SLC35F3: variants seen among roughly 807,000 people sequenced by gnomAD.
SLC35F3 encodes solute carrier family 35 member F3, also known as putative thiamine transporter SLC35F3.
Under a neutral mutation model 49.9 loss-of-function variants are expected in SLC35F3, and 25 were observed. The observed-to-expected ratio is 0.50, with a 90% CI of 0.37 to 0.70. The LOEUF (loss-of-function observed/expected upper bound fraction) is 0.70, where lower values mean the gene tolerates loss of function less well. SLC35F3 is among the 30% of genes least tolerant of loss of function. The pLI is 0.00. For missense variants in SLC35F3, 525 were observed against 639.8 expected (o/e 0.82, Z 1.94); for synonymous variants, 275 against 265.4 (o/e 1.04, Z -0.35).
At chr1:233,983,262 AAATT>A (rs1417454344) in intron 2 of SLC35F3, among the ~76,000 whole-genome samples, 3 of 152,238 alleles carry the variant, frequency 2.0e-5, no homozygotes, top group Non-Finnish European at 4.4e-5. Flanking sequence ...GATTAAAAAA[AAATT>A]AATTAAGCCA....
Position 234,140,314 on chromosome 1 carries a change from C to T in SLC35F3, c.284-91103C>T, listed in dbSNP as rs955664790. Reference sequence around the variant, plus strand: ...TCATCACATGGAAGAAGGGTGAGTACAGTACAATTAGATATTTTGAGAGAG... The same window carrying T: ...TCATCACATGGAAGAAGGGTGAGTATAGTACAATTAGATATTTTGAGAGAG... On this transcript the variant is annotated intron_variant, in intron 2 of 7. Coordinates refer to ENST00000366618, the MANE Select transcript of SLC35F3 (RefSeq NM_173508.4). 2.6e-5 allele frequency among the ~76,000 whole-genome samples: 4 copies of T among 152,074 alleles called. No individual in the cohort carries two copies. The East Asian group carries it at 7.7e-4, about 29-fold the overall frequency.
rs869035917 is a variant in SLC35F3 at position 233,955,878 on chromosome 1, C to CTTTTTTT, written c.283+50141_283+50147dup. Among the ~76,000 whole-genome samples the CTTTTTTT allele has an allele frequency of 6.2e-5, 3 of 48,130 alleles. 1 individual carries two copies. Among genetic ancestry groups the CTTTTTTT allele is most frequent in the African/African-American group, 2.0e-4 (2 of 10,136 alleles). 31.6% of individuals were successfully genotyped at this position (48,130 alleles called of 152,430 possible). A position where few individuals can be genotyped will look rare whatever the true frequency, so the allele number is the denominator to read the frequency against. ...GAGTCAGCAGAGGAGGTGTGGGTAT[C>CTTTTTTT]TTTTTTTTTTTTTTTTTTTTTTTTT... is the stretch of plus-strand genomic sequence containing the variant. On this transcript the variant is annotated intron_variant, in intron 2 of 7. Coordinates refer to ENST00000366618, the MANE Select transcript of SLC35F3 (RefSeq NM_173508.4).
At chr1:234,163,128 A>G (rs1405878835) in intron 2 of SLC35F3, among the ~76,000 whole-genome samples, 4 of 152,236 alleles carry the variant, frequency 2.6e-5, no homozygotes, top group African/African-American at 7.2e-5. Flanking sequence ...CTCAGTGCCT[A>G]TACCCAGAAG....
intron 2 of SLC35F3, among the ~76,000 whole-genome samples, chr1:233,950,676 C>G (rs1662592178): frequency 6.6e-6 from 1 of 151,950 alleles, no homozygotes; most frequent in Non-Finnish European, 1.5e-5. Context: ...CAGAGAAAAA[C>G]AAATCAGAGA....
chr1:234,171,625 T>C (rs182118684), intron 2 of SLC35F3, among the ~76,000 whole-genome samples: 69 of 152,102 alleles, frequency 4.5e-4, no homozygotes, highest in African/African-American at 1.5e-3. Flanking sequence ...CATCAGAGAG[T>C]TGGGGACACT....
chr1:234,231,810 C>A lies in SLC35F3; in HGVS notation c.608+69C>A. The A allele has an allele frequency of 6.9e-7, 1 of 1,452,372 alleles. No homozygotes were observed. The highest frequency in any genetic ancestry group is 9.4e-7 in the Non-Finnish European group (1 of 1,064,564). The allele number at this position is 1,452,372 out of a possible 1,614,324, so 90.0% of individuals were successfully genotyped here. A position where few individuals can be genotyped will look rare whatever the true frequency, so the allele number is the denominator to read the frequency against. On this transcript the variant is annotated intron_variant, in intron 3 of 7. Transcript: ENST00000366618. The surrounding 1 kb of genome is among the most constrained non-coding windows in gnomAD (Gnocchi z 5.4). The stretch of plus-strand genomic sequence containing the variant: ...TCCATCCAGCGCTGACTCTGCAGAG[C>A]TGCCCCTGGTGGCAGGCGCTGGGAT...
chr1:233,911,262 C>T (rs1661869371), intron 2 of SLC35F3, among the ~76,000 whole-genome samples: 1 of 152,138 alleles, frequency 6.6e-6, no homozygotes, highest in Admixed American at 6.5e-5. Context: ...TGAGCAACTT[C>T]TGTCTGATCC....
At chr1:233,962,308 G>A (rs1662817700) in intron 2 of SLC35F3, among the ~76,000 whole-genome samples, 1 of 152,142 alleles carries the variant, frequency 6.6e-6, no homozygotes, top group South Asian at 2.1e-4. Context: ...TTAAATAGTT[G>A]CAATGTATAT....
chr1:234,084,372 A>G (rs1224482762), intron 2 of SLC35F3, among the ~76,000 whole-genome samples: 3 of 152,162 alleles, frequency 2.0e-5, no homozygotes, highest in Admixed American at 6.5e-5. Flanking sequence ...CACGTTGCCA[A>G]ACAAATATGA....
Position 234,313,332 on chromosome 1 carries a change from G to T in SLC35F3, c.829-3270G>T, listed in dbSNP as rs185441425. On this transcript the variant is annotated intron_variant, in intron 4 of 7. Coordinates refer to ENST00000366618, the MANE Select transcript of SLC35F3 (RefSeq NM_173508.4). ...CCCACAGGGAGCAGGGAGCAGAACTGTCATGGAGATGAGTGGTGTGTCTGT... is the reference window on the plus strand; with the variant it reads ...CCCACAGGGAGCAGGGAGCAGAACTTTCATGGAGATGAGTGGTGTGTCTGT... Among the ~76,000 whole-genome samples, 57 of 152,304 alleles carry T rather than the reference G, an allele frequency of 3.7e-4. No individual in the cohort carries two copies. The East Asian group carries it at 4.6e-3, about 12-fold the overall frequency.
At chr1:234,025,056 G>A (rs1663956951) in intron 2 of SLC35F3, among the ~76,000 whole-genome samples, 3 of 152,156 alleles carry the variant, frequency 2.0e-5, no homozygotes, top group Admixed American at 2.0e-4. Flanking sequence ...CCCGTTATAA[G>A]GAGAACATGT....
At chr1:233,990,240 G>A (rs868558152) in intron 2 of SLC35F3, among the ~76,000 whole-genome samples, 54 of 152,186 alleles carry the variant, frequency 3.5e-4, no homozygotes, top group Non-Finnish European at 4.9e-4. Context: ...TTACGTAAAA[G>A]TGACTCACAT....
intron 2 of SLC35F3, among the ~76,000 whole-genome samples, chr1:234,176,037 G>A (rs567030500): frequency 5.9e-5 from 9 of 152,286 alleles, no homozygotes; most frequent in South Asian, 4.1e-4. Flanking sequence ...AACATTAAGT[G>A]CCTGGGACTT....
chr1:233,984,943 T>C (rs1663242959), intron 2 of SLC35F3, among the ~76,000 whole-genome samples: 1 of 152,248 alleles, frequency 6.6e-6, no homozygotes, highest in Non-Finnish European at 1.5e-5. Context: ...TATTTATTTC[T>C]CAGGACTAGC....
At chr1:234,193,893 C>T (rs748914522) in intron 2 of SLC35F3, among the ~76,000 whole-genome samples, 3 of 152,102 alleles carry the variant, frequency 2.0e-5, no homozygotes, top group Admixed American at 1.3e-4. Context: ...AACCGCAATA[C>T]AATACCATCT....
At chr1:233,994,182 A>T (rs1013109338) in intron 2 of SLC35F3, among the ~76,000 whole-genome samples, 4 of 152,206 alleles carry the variant, frequency 2.6e-5, no homozygotes, top group Non-Finnish European at 1.5e-5. Flanking sequence ...AGAGAGTAGC[A>T]ATTATATTAA....
At chr1:234,099,607 T>TAAAAA (rs34510298) in intron 2 of SLC35F3, among the ~76,000 whole-genome samples, 2 of 87,638 alleles carry the variant, frequency 2.3e-5, no homozygotes, top group Non-Finnish European at 2.2e-5. Context: ...AGACTCTGTC[T>TAAAAA]AAAAAAAAAA....
chr1:234,214,739 C>G lies in SLC35F3; in HGVS notation c.284-16678C>G. The G allele has an allele frequency of 2.1e-6, 2 of 949,376 alleles. No individual in the cohort carries two copies. Among genetic ancestry groups the G allele is most frequent in the Non-Finnish European group, 2.9e-6 (2 of 687,932 alleles). The allele number at this position is 949,376 out of a possible 1,614,324, so 58.8% of individuals were successfully genotyped here. A position where few individuals can be genotyped will look rare whatever the true frequency, so the allele number is the denominator to read the frequency against. ...CCGCCGCCTGCGTGGGGGGATCTGGCAGCTTCAGGGGCTGCCCTGAGCTCC... is the reference window on the plus strand; with the variant it reads ...CCGCCGCCTGCGTGGGGGGATCTGGGAGCTTCAGGGGCTGCCCTGAGCTCC... On this transcript the variant is annotated intron_variant, in intron 2 of 7. Transcript: ENST00000366618. The surrounding 1 kb of genome is among the most constrained non-coding windows in gnomAD (Gnocchi z 8.0).
chr1:233,949,710 C>T (rs1337952728), intron 2 of SLC35F3, among the ~76,000 whole-genome samples: 4 of 152,126 alleles, frequency 2.6e-5, no homozygotes, highest in Non-Finnish European at 4.4e-5. Context: ...TAATTAGTGT[C>T]GCTAGCAGCC....
Sources: allele counts gnomAD v4.1 joint callset (sites outside exome capture counted in the v4.1 genomes callset), GRCh38; gene constraint gnomAD v4.1.1; non-coding constraint Gnocchi (gnomAD v3.1); transcripts MANE v1.5; gene names NCBI Gene and HGNC (gene_info 2026-07-23, HGNC 2026-07-21).